VCL: variants seen among roughly 807,000 people sequenced by gnomAD.
VCL encodes vinculin.
In VCL, 47 loss-of-function variants were observed where a neutral mutation model predicts 125.7. The ratio of observed to expected loss-of-function variants is 0.37; its 90% CI spans 0.30 to 0.48. VCL has a LOEUF of 0.48. VCL is among the 20% of genes least tolerant of loss of function. The probability of loss-of-function intolerance (pLI) is 0.99; values close to 1 mark genes in which losing one functional copy is unlikely to be tolerated. For synonymous variants in VCL, 458 were observed against 514.6 expected, an observed-to-expected ratio of 0.89 and a Z score of 1.49; for missense variants, 1,069 against 1,455.5, an observed-to-expected ratio of 0.73 and a Z score of 4.32.
chr10:74,055,835 T>C (rs1485201908), intron 2 of VCL, among the ~76,000 whole-genome samples: 4 of 152,104 alleles, frequency 2.6e-5, no homozygotes, highest in African/African-American at 4.8e-5. Flanking sequence ...GAGTTCTTGA[T>C]TGAACTCTGC....
In VCL at chr10:74,031,935, G is replaced by A. The variant is rs184400150; in HGVS notation, c.169-11148G>A. Among the ~76,000 whole-genome samples, 1,191 of 151,660 alleles carry A rather than the reference G, an allele frequency of 7.9e-3. 5 individuals carry two copies. The highest frequency in any genetic ancestry group is 0.013 in the Non-Finnish European group (886 of 67,880). ...CAAAATTAGCCAGGCGTGGTGGTGC[G>A]TGCCTGTAATCCCAGCTACTTGGGA... On this transcript the variant is annotated intron_variant, in intron 1 of 21. Transcript: ENST00000211998.
chr10:74,026,841 C>T (rs759113195), intron 1 of VCL, among the ~76,000 whole-genome samples: 1 of 152,120 alleles, frequency 6.6e-6, no homozygotes, highest in Non-Finnish European at 1.5e-5. Flanking sequence ...TCCACTATTC[C>T]ATTACCTTCC....
chr10:74,067,902 C>G lies in VCL; in HGVS notation c.240-2768C>G, dbSNP rs114514823. ...ACTGAGATAATGAAGAGTTTTGGCA[C>G]TAGAGAGAGGCAGTGGTTGCACAAC... On this transcript the variant is annotated intron_variant, in intron 2 of 21. Transcript: ENST00000211998. Among the ~76,000 whole-genome samples, 313 of 152,270 alleles carry G rather than the reference C, an allele frequency of 2.1e-3. 2 individuals carry two copies. The highest frequency in any genetic ancestry group is 6.3e-3 in the African/African-American group (262 of 41,552).
chr10:74,073,864 C>T (rs1244923125), intron 5 of VCL, among the ~76,000 whole-genome samples: 1 of 152,174 alleles, frequency 6.6e-6, no homozygotes, highest in Non-Finnish European at 1.5e-5. Context: ...TCTGGTGACT[C>T]ATGTCATTGT....
At chr10:74,036,789 C>T (rs191782968) in intron 1 of VCL, among the ~76,000 whole-genome samples, 1 of 152,082 alleles carries the variant, frequency 6.6e-6, no homozygotes, top group Non-Finnish European at 1.5e-5. Context: ...AATCATATTT[C>T]TCCATACTAA....
Position 74,090,460 on chromosome 10 carries a change from T to G in VCL, c.1352+262T>G, listed in dbSNP as rs981696140. 3.3e-5 allele frequency among the ~76,000 whole-genome samples: 5 copies of G among 152,224 alleles called. 1 individual carries two copies. In the South Asian group the frequency reaches 1.0e-3, roughly 32 times the overall value. On this transcript the variant is annotated intron_variant, in intron 10 of 21. Transcript: ENST00000211998. ...TTGATAAATTTAGGATGCTAAGAACTCCTTTTTTGAGATGCTTTTTAAATT... is the reference window on the plus strand; with the variant it reads ...TTGATAAATTTAGGATGCTAAGAACGCCTTTTTTGAGATGCTTTTTAAATT...
In VCL at chr10:74,082,470, A is replaced by G. The variant is rs1372933618; in HGVS notation, c.800A>G (p.Lys267Arg). The G allele has an allele frequency of 1.9e-6, 3 of 1,614,084 alleles. No homozygotes were observed. In the Admixed American group the frequency reaches 5.0e-5, roughly 27 times the overall value. ...TCCCAAAAGGACACTGAAGCCATGA[A>G]GAGAGCATTGGCCTCCATAGACTCC... Reference protein sequence around the residue: ...AWASKDTEAMKRALASIDSKL... With the variant: ...AWASKDTEAMRRALASIDSKL... The change falls in exon 7 of 22, where the codon AAG (lysine) becomes AGG (arginine). Residue 267 changes from lysine to arginine, a missense_variant. Coordinates refer to ENST00000211998, the MANE Select transcript of VCL (RefSeq NM_014000.3).
At chr10:74,059,706 G>A (rs1841448234) in intron 2 of VCL, among the ~76,000 whole-genome samples, 1 of 152,080 alleles carries the variant, frequency 6.6e-6, no homozygotes, top group South Asian at 2.1e-4. Context: ...CGTCCAGCCT[G>A]CTGGACATAC....
chr10:74,105,503 T>C lies in VCL; in HGVS notation c.2434+150T>C, dbSNP rs1840117978. 6.8e-6 allele frequency: 7 copies of C among 1,027,624 alleles called. No individual in the cohort carries two copies. The Admixed American group carries it at 1.2e-4, about 18-fold the overall frequency. The allele number at this position is 1,027,624 out of a possible 1,614,324, so 63.7% of individuals were successfully genotyped here. On this transcript the variant is annotated intron_variant, in intron 16 of 21. Transcript: ENST00000211998. ...TTTGAGAATGCTAGATTAATCTTTT[T>C]CCATCCAAGTCTCTGCAGTTATCAG...
chr10:74,080,568 A>G (rs142839079), intron 6 of VCL, among the ~76,000 whole-genome samples: 4 of 152,202 alleles, frequency 2.6e-5, no homozygotes, highest in Non-Finnish European at 5.9e-5. Flanking sequence ...GTTAGAGTAG[A>G]CATAAAAATT....
chr10:74,022,592 ATAAATAAATAAATAAATAAG>A (rs1434688523), intron 1 of VCL, among the ~76,000 whole-genome samples: 33 of 87,646 alleles, frequency 3.8e-4, no homozygotes, highest in Middle Eastern at 5.1e-3. Context: ...AAATAAATAA[ATAAATAAATAAATAAATAAG>A]TAAATAAAAC....
At chr10:74,043,295 T>A (rs1841130523) in intron 2 of VCL, 142 bp downstream of exon 2, 4 of 771,240 alleles carry the variant, frequency 5.2e-6, no homozygotes. Flanking sequence ...GTCTTCTAAC[T>A]TTTTTAAAAA....
In VCL at chr10:74,097,346, G is replaced by A; in HGVS notation, c.1872+14G>A. 1 of 1,611,780 alleles carries A rather than the reference G, an allele frequency of 6.2e-7. No individual in the cohort carries two copies. The highest frequency in any genetic ancestry group is 8.5e-7 in the Non-Finnish European group (1 of 1,179,376). On this transcript the variant is annotated intron_variant, in intron 13 of 21. Coordinates refer to ENST00000211998, the MANE Select transcript of VCL (RefSeq NM_014000.3). The surrounding 1 kb of genome is among the most constrained non-coding windows in gnomAD (Gnocchi z 4.1). ...AACAGGGAAGAGGTGGGTATCTGAG[G>A]TCTTCCATTTTTCTGTCAGCCTGTG...
Position 74,072,831 on chromosome 10 carries a change from T to A in VCL, c.601T>A (p.Leu201Met). Residue 201 changes from leucine (L) to methionine (M), a missense_variant, in exon 5 of 22, where the codon TTG (leucine) becomes ATG (methionine). Physicochemically the swap from Leu to Met is conservative, Grantham distance 15. This residue lies in a region of VCL where 760 missense variants were observed against 928.9 expected (regional missense o/e 0.82). Transcript: ENST00000211998. Reference protein sequence around the residue: ...LVNSMNTVKELLPVLISAMKI... With the variant: ...LVNSMNTVKEMLPVLISAMKI... ...GAACTCGATGAACACCGTGAAAGAG[T>A]TGCTGCCAGTTCTCATTTCAGGTAC... is the stretch of plus-strand genomic sequence containing the variant. The A allele has an allele frequency of 6.2e-7, 1 of 1,614,064 alleles. No individual in the cohort carries two copies. Among genetic ancestry groups the A allele is most frequent in the Non-Finnish European group, 8.5e-7 (1 of 1,179,994 alleles).
intron 1 of VCL, among the ~76,000 whole-genome samples, chr10:74,040,501 C>T (rs1459755646): frequency 2.6e-5 from 4 of 152,168 alleles, no homozygotes; most frequent in Admixed American, 6.5e-5. Flanking sequence ...GCCCTTTATA[C>T]TGAATGTGAA....
chr10:74,078,543 A>G (rs1400668798), intron 6 of VCL, among the ~76,000 whole-genome samples: 1 of 152,196 alleles, frequency 6.6e-6, no homozygotes, highest in Non-Finnish European at 1.5e-5. Context: ...CATTTATGAT[A>G]TTTTATCTCC....
At chr10:74,059,022 C>A (rs1194668585) in intron 2 of VCL, among the ~76,000 whole-genome samples, 2 of 152,114 alleles carry the variant, frequency 1.3e-5, no homozygotes, top group African/African-American at 2.4e-5. Context: ...CTTCTCAAGG[C>A]AGGAGCAGTG....
chr10:74,088,292 C>T lies in VCL; in HGVS notation c.1023-904C>T, dbSNP rs147442639. Among the ~76,000 whole-genome samples, 70 of 152,170 alleles carry T rather than the reference C, an allele frequency of 4.6e-4. No individual in the cohort carries two copies. The East Asian group carries it at 0.013, about 28-fold the overall frequency. On this transcript the variant is annotated intron_variant, in intron 8 of 21. Coordinates refer to ENST00000211998, the MANE Select transcript of VCL (RefSeq NM_014000.3). ...GAAAGTAAATAGAGAAACAAGTTTC[C>T]ATGAACTCATATCATTTTTAGTAGT...
chr10:74,039,929 C>T (rs897095033), intron 1 of VCL, among the ~76,000 whole-genome samples: 4 of 152,212 alleles, frequency 2.6e-5, no homozygotes, highest in Admixed American at 2.6e-4. Flanking sequence ...CTCATTACCA[C>T]ACCATACTTC....
Sources: allele counts gnomAD v4.1 joint callset (sites outside exome capture counted in the v4.1 genomes callset), GRCh38; gene constraint gnomAD v4.1.1; regional missense constraint gnomAD v4.1.1; non-coding constraint Gnocchi (gnomAD v3.1); transcripts MANE v1.5; gene names NCBI Gene and HGNC (gene_info 2026-07-23, HGNC 2026-07-21).